SLC39A11: variants seen among roughly 807,000 people sequenced by gnomAD.
The protein encoded by SLC39A11 is solute carrier family 39 member 11.
A neutral mutation model predicts 36.1 loss-of-function variants in SLC39A11; 33 were observed. The observed-to-expected ratio is 0.91, with a 90% CI of 0.69 to 1.22. SLC39A11 has a LOEUF of 1.22. Ranked by LOEUF, SLC39A11 falls within the 50% of genes most tolerant of loss-of-function variation. The probability of loss-of-function intolerance (pLI) is 0.00; values close to 1 mark genes in which losing one functional copy is unlikely to be tolerated. For synonymous variants in SLC39A11, 166 were observed against 170.3 expected (o/e 0.97, Z 0.20); for missense variants, 432 against 430.3 (o/e 1.00, Z -0.03).
At chr17:72,831,696 T>G (rs1044216320) in intron 6 of SLC39A11, among the ~76,000 whole-genome samples, 13 of 152,248 alleles carry the variant, frequency 8.5e-5, no homozygotes, top group Admixed American at 4.6e-4. Flanking sequence ...CATTTCTAAT[T>G]AAATTTTTTC....
At chr17:72,987,652 A>C (rs775468520) in intron 4 of SLC39A11, among the ~76,000 whole-genome samples, 31 of 152,234 alleles carry the variant, frequency 2.0e-4, no homozygotes, top group Non-Finnish European at 3.4e-4. Flanking sequence ...TCTCTGGAAA[A>C]TAAGAAATGT....
At chr17:72,914,915 G>A (rs540691410) in intron 5 of SLC39A11, among the ~76,000 whole-genome samples, 2 of 134,946 alleles carry the variant, frequency 1.5e-5, no homozygotes, top group Admixed American at 1.5e-4. Context: ...TTTTGTTTGC[G>A]GTGGTTTTTG....
Position 72,910,949 on chromosome 17 carries a change from G to T in SLC39A11, c.430+36803C>A, listed in dbSNP as rs571123285. Among the ~76,000 whole-genome samples the T allele has an allele frequency of 1.4e-4, 19 of 137,660 alleles. No homozygotes were observed. The South Asian group carries it at 3.9e-3, about 28-fold the overall frequency. The allele number at this position is 137,660 out of a possible 152,430, so 90.3% of individuals were successfully genotyped here. A position where few individuals can be genotyped will look rare whatever the true frequency, so the allele number is the denominator to read the frequency against. ...CTCAAAAAAAAAAAAAAAAAAAAAA[G>T]AGTGTTCTTTGCATCAGAATAATAC... is the stretch of plus-strand genomic sequence containing the variant. On this transcript the variant is annotated intron_variant, in intron 5 of 9. Transcript: ENST00000255559.
At position 73,055,710 on chromosome 17, in the gene SLC39A11, C is replaced by A. The variant is rs148342814; in HGVS notation, c.148-23996G>T. Among the ~76,000 whole-genome samples, 387 of 152,190 alleles carry A rather than the reference C, an allele frequency of 2.5e-3. 1 individual carries two copies. Among genetic ancestry groups the A allele is most frequent in the African/African-American group, 8.9e-3 (369 of 41,524 alleles). On this transcript the variant is annotated intron_variant, in intron 3 of 9. Transcript: ENST00000255559. ...TTGGTCTTGAACTCCTGGGCTCAAA[C>A]GATTCTCCTGCCTCAACCTCTGAAA...
chr17:72,934,835 C>G (rs1430226864), intron 5 of SLC39A11, among the ~76,000 whole-genome samples: 1 of 152,192 alleles, frequency 6.6e-6, no homozygotes, highest in East Asian at 1.9e-4. Context: ...GAGACCACTA[C>G]TACACTCATT....
At chr17:72,827,634 C>T (rs537795081) in intron 6 of SLC39A11, among the ~76,000 whole-genome samples, 19 of 152,274 alleles carry the variant, frequency 1.2e-4, no homozygotes, top group African/African-American at 4.6e-4. Flanking sequence ...AACAGGGGTG[C>T]ATGGAAAACA....
At chr17:72,723,330 G>A (rs1598452441) in intron 7 of SLC39A11, among the ~76,000 whole-genome samples, 2 of 151,924 alleles carry the variant, frequency 1.3e-5, no homozygotes, top group East Asian at 3.9e-4. Flanking sequence ...GAGTGTGTGT[G>A]TGTGTGTGTG....
chr17:72,985,808 ATGT>A (rs1480241670), intron 4 of SLC39A11, among the ~76,000 whole-genome samples: 7 of 152,140 alleles, frequency 4.6e-5, no homozygotes, highest in African/African-American at 1.7e-4. Context: ...CCTGCAAAAG[ATGT>A]TGTCTATAAA....
chr17:72,710,466 A>G (rs973428968), intron 7 of SLC39A11, among the ~76,000 whole-genome samples: 7 of 152,206 alleles, frequency 4.6e-5, no homozygotes, highest in African/African-American at 1.7e-4. Context: ...CTCTTATAAA[A>G]GAGGTTGAAG....
At chr17:72,662,656 GA>G (rs958139718) in intron 7 of SLC39A11, among the ~76,000 whole-genome samples, 2 of 41,218 alleles carry the variant, frequency 4.9e-5, no homozygotes, top group African/African-American at 1.9e-4. Context: ...AAAGAAAAAA[GA>G]AAAGAAAAAG....
intron 4 of SLC39A11, among the ~76,000 whole-genome samples, chr17:73,003,854 A>G (rs1230752775): frequency 6.6e-6 from 1 of 152,064 alleles, no homozygotes; most frequent in East Asian, 1.9e-4. Flanking sequence ...GGGAGGCTGA[A>G]GCGGGTGGAT....
rs185727082 is a variant in SLC39A11, at chr17:72,777,584, A to C, written c.602-40865T>G. Among the ~76,000 whole-genome samples, 149 of 152,254 alleles carry C rather than the reference A, an allele frequency of 9.8e-4. 1 individual carries two copies. Among genetic ancestry groups the C allele is most frequent in the Non-Finnish European group, 1.9e-4 (13 of 68,008 alleles). ...GGTGGCATGGGAACGATGCATCTAC[A>C]AGCTAAGTTACACCAAGAATTATTG... On this transcript the variant is annotated intron_variant, in intron 6 of 9. Transcript: ENST00000255559.
At chr17:72,746,010 G>A (rs1160985324) in intron 6 of SLC39A11, among the ~76,000 whole-genome samples, 1 of 152,180 alleles carries the variant, frequency 6.6e-6, no homozygotes, top group Non-Finnish European at 1.5e-5. Context: ...CAGTTAGACG[G>A]ATTTAGGCAA....
chr17:72,791,839 C>T (rs2076716169), intron 6 of SLC39A11, among the ~76,000 whole-genome samples: 1 of 152,240 alleles, frequency 6.6e-6, no homozygotes, highest in Non-Finnish European at 1.5e-5. Context: ...CGAAGAAGGA[C>T]ATGTTGGCTT....
chr17:72,972,357 C>A (rs2087519923), intron 4 of SLC39A11, among the ~76,000 whole-genome samples: 1 of 152,154 alleles, frequency 6.6e-6, no homozygotes, highest in Non-Finnish European at 1.5e-5. Flanking sequence ...CCCACCCTTC[C>A]ATTTCATAGA....
At position 72,936,071 on chromosome 17, in the gene SLC39A11, G is replaced by A. The variant is rs531103615; in HGVS notation, c.430+11681C>T. Among the ~76,000 whole-genome samples, 16 of 152,158 alleles carry A rather than the reference G, an allele frequency of 1.1e-4. No individual in the cohort carries two copies. The South Asian group carries it at 2.1e-3, about 20-fold the overall frequency. ...AAATCAGCTGAGTGTGGTGGTATTC[G>A]CCTGTAATCCCAGCTACATAGGAAA... On this transcript the variant is annotated intron_variant, in intron 5 of 9. Transcript: ENST00000255559.
chr17:72,951,295 T>C (rs1025544752), intron 4 of SLC39A11, among the ~76,000 whole-genome samples: 1 of 144,706 alleles, frequency 6.9e-6, no homozygotes, highest in Admixed American at 7.0e-5. Context: ...AAAATGTCAA[T>C]AGTGCTGAGC....
At chr17:72,939,767 G>A (rs1323487451) in intron 5 of SLC39A11, among the ~76,000 whole-genome samples, 2 of 152,086 alleles carry the variant, frequency 1.3e-5, no homozygotes, top group South Asian at 2.1e-4. Context: ...TCAGACTTCC[G>A]GCCTCCAAAA....
At chr17:72,777,329 C>A (rs1370914215) in intron 6 of SLC39A11, among the ~76,000 whole-genome samples, 1 of 152,070 alleles carries the variant, frequency 6.6e-6, no homozygotes, top group African/African-American at 2.4e-5. Flanking sequence ...TAAATCATGC[C>A]AGGGAATAGT....
Sources: allele counts gnomAD v4.1 joint callset (sites outside exome capture counted in the v4.1 genomes callset), GRCh38; gene constraint gnomAD v4.1.1; transcripts MANE v1.5; gene names NCBI Gene and HGNC (gene_info 2026-07-23, HGNC 2026-07-21).